Variants in ETF1 observed in about 807,000 individuals in gnomAD.
The protein encoded by ETF1 is eukaryotic peptide chain release factor subunit 1.
ETF1 carries 4 observed loss-of-function variants against 55.1 expected under a neutral mutation model. The ratio of observed to expected loss-of-function variants is 0.07; its 90% CI spans 0.04 to 0.17. The LOEUF is 0.17. Ranked by LOEUF, ETF1 falls within the 10% of genes least tolerant of loss-of-function variation. ETF1 has a pLI of 1.00. For synonymous variants in ETF1, 157 were observed against 182.3 expected (o/e 0.86, Z 1.12); for missense variants, 142 against 523.6 (o/e 0.27, Z 7.11).
intron 9 of ETF1, among the ~76,000 whole-genome samples, chr5:138,509,894 CAAAAAAAAA>C (rs34092773): frequency 3.0e-5 from 2 of 66,438 alleles, no homozygotes; most frequent in Non-Finnish European, 2.9e-5. Context: ...AACTCCACCT[CAAAAAAAAA>C]AAAAAAAAAA....
chr5:138,541,362 C>G (rs1023631403), intron 2 of ETF1, among the ~76,000 whole-genome samples: 1 of 152,198 alleles, frequency 6.6e-6, no homozygotes, highest in Non-Finnish European at 1.5e-5. Context: ...TAAGGACTAA[C>G]AAGCCGCTGT....
At chr5:138,540,062 T>C (rs1766110216) in intron 2 of ETF1, among the ~76,000 whole-genome samples, 1 of 152,230 alleles carries the variant, frequency 6.6e-6, no homozygotes, top group Admixed American at 6.5e-5. Context: ...TGAGCCCATT[T>C]TGCAGGTGGT....
chr5:138,538,450 A>G (rs896322323), intron 2 of ETF1, among the ~76,000 whole-genome samples: 1 of 152,166 alleles, frequency 6.6e-6, no homozygotes, highest in African/African-American at 2.4e-5. Flanking sequence ...TTGGCCTCCC[A>G]AAGTGCTGGG....
Position 138,508,053 on chromosome 5 carries a change from C to CTT in ETF1, c.*250_*251dup. 1 of 388,154 alleles carries CTT rather than the reference C, an allele frequency of 2.6e-6. No individual in the cohort carries two copies. The highest frequency in any genetic ancestry group is 9.0e-5 in the South Asian group (1 of 11,052). The allele number at this position is 388,154 out of a possible 1,614,324, so 24.0% of individuals were successfully genotyped here. A position where few individuals can be genotyped will look rare whatever the true frequency, so the allele number is the denominator to read the frequency against. ...TCCAGTAAAAGTAAAAACTGGGATT[C>CTT]TTTTTTAAATTAGTCCAAAGTGGCG... On this transcript the variant is annotated 3_prime_UTR_variant, in exon 11 of 11. Transcript: ENST00000360541.
At chr5:138,510,911 C>T in intron 8 of ETF1, 134 bp downstream of exon 8, 1 of 1,476,218 alleles carries the variant, frequency 6.8e-7, no homozygotes, top group Non-Finnish European at 8.9e-7. Context: ...GAATGTGCTA[C>T]AGACTGAAGG....
intron 4 of ETF1, chr5:138,513,927 A>G (rs545412860): frequency 2.2e-6 from 2 of 900,178 alleles, no homozygotes; most frequent in Non-Finnish European, 1.3e-6. Flanking sequence ...ATCTATGTGA[A>G]GCTTTTCAAC....
chr5:138,512,518 A>C (rs1414684819), intron 6 of ETF1, among the ~76,000 whole-genome samples: 1 of 151,916 alleles, frequency 6.6e-6, no homozygotes, highest in Non-Finnish European at 1.5e-5. Context: ...CAACCCAACT[A>C]AACAAGGAAC....
intron 2 of ETF1, among the ~76,000 whole-genome samples, chr5:138,535,731 AG>A (rs1258937556): frequency 1.3e-5 from 2 of 150,172 alleles, no homozygotes; most frequent in African/African-American, 2.4e-5. Context: ...AAAAAAAAAA[AG>A]AAAAAATTAG....
At chr5:138,517,956 C>G in intron 3 of ETF1, 4 of 860,958 alleles carry the variant, frequency 4.6e-6, no homozygotes, top group Non-Finnish European at 5.6e-6. Context: ...AATCCCAGCA[C>G]TCTGGGAGGC....
chr5:138,520,905 A>C (rs1345713356), intron 2 of ETF1, among the ~76,000 whole-genome samples: 1 of 152,128 alleles, frequency 6.6e-6, no homozygotes, highest in African/African-American at 2.4e-5. Context: ...AAAATGGTAC[A>C]GCCATGTGGG....
chr5:138,527,849 T>C (rs1244297845), intron 2 of ETF1, among the ~76,000 whole-genome samples: 1 of 152,072 alleles, frequency 6.6e-6, no homozygotes, highest in African/African-American at 2.4e-5. Flanking sequence ...GTCACCTCAC[T>C]GCAACCTCCG....
chr5:138,543,215 C>G lies in ETF1; in HGVS notation c.-137G>C, dbSNP rs954659151. ...TCCAGGCAGCTGCATGTGTTGCAAT[C>G]CGCTCACATGGGGCCTGTGACATCA... On this transcript the variant is annotated 5_prime_UTR_variant, in exon 1 of 11. Coordinates refer to ENST00000360541, the MANE Select transcript of ETF1 (RefSeq NM_004730.4). 5 of 519,190 alleles carry G rather than the reference C, an allele frequency of 9.6e-6. No homozygotes were observed. Among genetic ancestry groups the G allele is most frequent in the Admixed American group, 3.5e-5 (1 of 28,218 alleles). 32.2% of individuals were successfully genotyped at this position (519,190 alleles called of 1,614,324 possible).
At chr5:138,510,357 C>CAAAA (rs57906231) in intron 9 of ETF1, among the ~76,000 whole-genome samples, 69 of 64,798 alleles carry the variant, frequency 1.1e-3, no homozygotes, top group Admixed American at 2.3e-3. Context: ...GACCTTGTCT[C>CAAAA]AAAAAAAAAA....
At chr5:138,517,413 G>C in intron 4 of ETF1, 148 bp downstream of exon 4, 4 of 406,108 alleles carry the variant, frequency 9.8e-6, no homozygotes, top group Non-Finnish European at 1.8e-5. Flanking sequence ...AAAAATAAAA[G>C]AAGTACAGCA....
rs190989983 is a variant in ETF1 at position 138,539,110 on chromosome 5, A to C, written c.86+3723T>G. On this transcript the variant is annotated intron_variant, in intron 2 of 10. Coordinates refer to ENST00000360541, the MANE Select transcript of ETF1 (RefSeq NM_004730.4). ...ATGAGGGTTATCTGACCAAGTGTTC[A>C]TTGGATAAGAAACACATAAGGTTTC... 7.7e-4 allele frequency among the ~76,000 whole-genome samples: 118 copies of C among 152,338 alleles called. 1 individual carries two copies. Among genetic ancestry groups the C allele is most frequent in the African/African-American group, 2.8e-3 (115 of 41,588 alleles).
At chr5:138,514,589 C>T (rs1317166440) in intron 4 of ETF1, among the ~76,000 whole-genome samples, 1 of 144,560 alleles carries the variant, frequency 6.9e-6, no homozygotes, top group Non-Finnish European at 1.5e-5. Context: ...TTTTTTGAGA[C>T]AGGGTCTCAC....
chr5:138,536,731 C>T (rs918152553), intron 2 of ETF1, among the ~76,000 whole-genome samples: 12 of 152,134 alleles, frequency 7.9e-5, no homozygotes, highest in Non-Finnish European at 1.6e-4. Flanking sequence ...CAAATAGGAT[C>T]GAAGACCATT....
intron 9 of ETF1, among the ~76,000 whole-genome samples, chr5:138,509,775 G>T (rs1764689746): frequency 6.6e-6 from 1 of 151,432 alleles, no homozygotes; most frequent in African/African-American, 2.4e-5. Context: ...GGCGCCTGTA[G>T]TCCCATCTAC....
At chr5:138,524,752 ATT>A (rs923624912) in intron 2 of ETF1, among the ~76,000 whole-genome samples, 3 of 151,492 alleles carry the variant, frequency 2.0e-5, no homozygotes, top group African/African-American at 7.3e-5. Flanking sequence ...TAATTTTTGT[ATT>A]TTTAGTAGAG....
Sources: allele counts gnomAD v4.1 joint callset (sites outside exome capture counted in the v4.1 genomes callset), GRCh38; gene constraint gnomAD v4.1.1; transcripts MANE v1.5; gene names NCBI Gene and HGNC (gene_info 2026-07-23, HGNC 2026-07-21).